IMMP2L: variants seen among roughly 807,000 people sequenced by gnomAD.
IMMP2L encodes the protein mitochondrial inner membrane protease subunit 2.
IMMP2L carries 18 observed loss-of-function variants against 19.3 expected under a neutral mutation model. That is an observed-to-expected ratio of 0.93 (90% CI 0.64 to 1.38). The LOEUF (loss-of-function observed/expected upper bound fraction) is 1.38. IMMP2L is among the 40% of genes most tolerant of loss of function. The pLI is 0.00. For missense variants in IMMP2L, 233 were observed against 218.2 expected, an observed-to-expected ratio of 1.07 and a Z score of -0.43; for synonymous variants, 76 against 73.0, an observed-to-expected ratio of 1.04 and a Z score of -0.21.
intron 3 of IMMP2L, among the ~76,000 whole-genome samples, chr7:111,336,794 T>C (rs1387677514): frequency 6.6e-6 from 1 of 152,062 alleles, no homozygotes; most frequent in Non-Finnish European, 1.5e-5. Flanking sequence ...AATGAATTCA[T>C]GTTTACATTA....
At chr7:111,371,881 G>C (rs988032010) in intron 3 of IMMP2L, among the ~76,000 whole-genome samples, 2 of 152,028 alleles carry the variant, frequency 1.3e-5, no homozygotes, top group African/African-American at 4.8e-5. Context: ...TGTTTTTAAA[G>C]CTGAGCTGGT....
At chr7:111,184,768 A>AGTGTGTGT (rs34378495) in intron 3 of IMMP2L, among the ~76,000 whole-genome samples, 3 of 151,014 alleles carry the variant, frequency 2.0e-5, no homozygotes, top group South Asian at 2.1e-4. Context: ...ATGTTTAAAA[A>AGTGTGTGT]GTGTGTGTGT....
At chr7:111,172,213 G>A (rs1806521720) in intron 3 of IMMP2L, among the ~76,000 whole-genome samples, 1 of 151,370 alleles carries the variant, frequency 6.6e-6, no homozygotes, top group Admixed American at 6.6e-5. Context: ...GTACAGTGCT[G>A]GTTCCTAAGC....
At chr7:110,755,458 T>C (rs901587498) in intron 5 of IMMP2L, among the ~76,000 whole-genome samples, 2 of 152,170 alleles carry the variant, frequency 1.3e-5, no homozygotes, top group African/African-American at 4.8e-5. Flanking sequence ...TCTACACCTG[T>C]AGTTTAAGTT....
intron 4 of IMMP2L, among the ~76,000 whole-genome samples, chr7:110,936,686 C>T (rs963482530): frequency 6.6e-6 from 1 of 152,226 alleles, no homozygotes; most frequent in East Asian, 1.9e-4. Flanking sequence ...TTGACCCAAC[C>T]ATCCCATTAC....
chr7:110,838,758 A>G (rs1417646388), intron 5 of IMMP2L, among the ~76,000 whole-genome samples: 4 of 152,176 alleles, frequency 2.6e-5, no homozygotes, highest in African/African-American at 7.2e-5. Flanking sequence ...TATAAGCAAC[A>G]GAAAACAAAC....
rs543551336 is a variant in IMMP2L, at chr7:111,519,174, C to T, written c.135+2139G>A. On this transcript the variant is annotated intron_variant, in intron 2 of 5. Coordinates refer to ENST00000405709, the MANE Select transcript of IMMP2L (RefSeq NM_032549.4). ...TCTCTCAGGCGGTGAAGAAACTGGGCATGCGAGCTGCCAGCAGCCATGTAC... is the reference window on the plus strand; with the variant it reads ...TCTCTCAGGCGGTGAAGAAACTGGGTATGCGAGCTGCCAGCAGCCATGTAC... Among the ~76,000 whole-genome samples, 4 of 152,256 alleles carry T rather than the reference C, an allele frequency of 2.6e-5. No individual in the cohort carries two copies. The East Asian group carries it at 7.7e-4, about 29-fold the overall frequency.
rs1047996250 is a variant in IMMP2L at position 110,877,589 on chromosome 7, C to T, written c.408+9004G>A. Among the ~76,000 whole-genome samples, 15 of 152,172 alleles carry T rather than the reference C, an allele frequency of 9.9e-5. No individual in the cohort carries two copies. The highest frequency in any genetic ancestry group is 7.2e-4 in the Admixed American group (11 of 15,276). Reference sequence around the variant, plus strand: ...GGTAAGACGGATCTGGAAAATTTGGCGGGAGACAGGATCAAAAGGGTTTGA... The same window carrying T: ...GGTAAGACGGATCTGGAAAATTTGGTGGGAGACAGGATCAAAAGGGTTTGA... On this transcript the variant is annotated intron_variant, in intron 5 of 5. Transcript: ENST00000405709. The surrounding 1 kb of genome is among the most constrained non-coding windows in gnomAD (Gnocchi z 4.0).
At chr7:110,990,067 G>C (rs1474366360) in intron 3 of IMMP2L, among the ~76,000 whole-genome samples, 1 of 151,986 alleles carries the variant, frequency 6.6e-6, no homozygotes, top group African/African-American at 2.4e-5. Context: ...CAGAATAAAA[G>C]CACAAAGCAG....
intron 3 of IMMP2L, among the ~76,000 whole-genome samples, chr7:111,337,592 A>C (rs905286171): frequency 3.3e-5 from 5 of 152,068 alleles, no homozygotes; most frequent in African/African-American, 7.2e-5. Flanking sequence ...AGATGAGCCA[A>C]GTCTGACCTC....
intron 3 of IMMP2L, among the ~76,000 whole-genome samples, chr7:111,475,215 C>T (rs1482541797): frequency 6.6e-6 from 1 of 151,934 alleles, no homozygotes; most frequent in East Asian, 1.9e-4. Context: ...CTTTCATGGG[C>T]CCTTGAGGTT....
At chr7:111,142,143 T>C (rs917438306) in intron 3 of IMMP2L, among the ~76,000 whole-genome samples, 2 of 152,012 alleles carry the variant, frequency 1.3e-5, no homozygotes, top group African/African-American at 4.8e-5. Flanking sequence ...CTGGCCAACA[T>C]GGTGAAACCT....
intron 3 of IMMP2L, among the ~76,000 whole-genome samples, chr7:111,251,007 C>T (rs1019493758): frequency 1.3e-4 from 19 of 151,966 alleles, no homozygotes; most frequent in African/African-American, 2.9e-4. Flanking sequence ...TCTATCCATC[C>T]GACAAAGGTC....
At chr7:111,513,179 A>G (rs1845602743) in intron 2 of IMMP2L, among the ~76,000 whole-genome samples, 1 of 152,270 alleles carries the variant, frequency 6.6e-6, no homozygotes, top group African/African-American at 2.4e-5. Flanking sequence ...TAAAGAGACA[A>G]TCTATGGAAT....
chr7:111,380,842 T>C (rs1285668757), intron 3 of IMMP2L, among the ~76,000 whole-genome samples: 1 of 152,034 alleles, frequency 6.6e-6, no homozygotes, highest in Admixed American at 6.6e-5. Context: ...CATAAACTGC[T>C]AACCTTAGAA....
intron 3 of IMMP2L, among the ~76,000 whole-genome samples, chr7:111,389,631 T>G (rs1194398591): frequency 5.3e-5 from 8 of 152,042 alleles, no homozygotes; most frequent in African/African-American, 1.9e-4. Context: ...GCAACTATAA[T>G]AAAATTTTAA....
At position 111,469,186 on chromosome 7, in the gene IMMP2L, C is replaced by T. The variant is rs374564519; in HGVS notation, c.239+18052G>A. ...TGTAGTATAGTTTGAAGTCAGGTAGCGTGATGCCTCCAGCTTTGTTCTTTT... is the reference window on the plus strand; with the variant it reads ...TGTAGTATAGTTTGAAGTCAGGTAGTGTGATGCCTCCAGCTTTGTTCTTTT... On this transcript the variant is annotated intron_variant, in intron 3 of 5. Coordinates refer to ENST00000405709, the MANE Select transcript of IMMP2L (RefSeq NM_032549.4). Among the ~76,000 whole-genome samples the T allele has an allele frequency of 7.7e-4, 117 of 152,120 alleles. No individual in the cohort carries two copies. In the East Asian group the frequency reaches 0.015, roughly 19 times the overall value.
chr7:111,277,014 G>C (rs902380682), intron 3 of IMMP2L, among the ~76,000 whole-genome samples: 10 of 152,054 alleles, frequency 6.6e-5, no homozygotes, highest in African/African-American at 1.7e-4. Flanking sequence ...GAAAATCCTA[G>C]AAGAAAACTT....
chr7:111,562,278 A>AGGACTCGCGGCCGCGCACCCCTC lies in IMMP2L; in HGVS notation c.-453_-431dup, dbSNP rs1334506101. ...CACGCACACATGCTCGCGATCACGC[A>AGGACTCGCGGCCGCGCACCCCTC]GGACTCGCGGCCGCGCACCCCTCCG... is the stretch of plus-strand genomic sequence containing the variant. On this transcript the variant is annotated 5_prime_UTR_variant, in exon 1 of 6. Transcript: ENST00000405709. 3 of 152,436 alleles carry AGGACTCGCGGCCGCGCACCCCTC rather than the reference A, an allele frequency of 2.0e-5. No individual in the cohort carries two copies. Among genetic ancestry groups the AGGACTCGCGGCCGCGCACCCCTC allele is most frequent in the Admixed American group, 1.3e-4 (2 of 15,300 alleles). The allele number at this position is 152,436 out of a possible 1,614,324, so 9.4% of individuals were successfully genotyped here. A position where few individuals can be genotyped will look rare whatever the true frequency, so the allele number is the denominator to read the frequency against.
Sources: gnomAD v4.1 joint callset for allele counts (sites outside exome capture counted in the v4.1 genomes callset) on GRCh38, gnomAD v4.1.1 for gene constraint, Gnocchi (gnomAD v3.1) non-coding constraint, MANE v1.5 for transcripts, NCBI Gene and HGNC (gene_info 2026-07-23, HGNC 2026-07-21) for gene names.